PCDHA12: variants seen among roughly 807,000 people sequenced by gnomAD.
PCDHA12 encodes the protein protocadherin alpha-12.
A neutral mutation model predicts 60.0 loss-of-function variants in PCDHA12; 44 were observed. The observed-to-expected ratio is 0.73, with a 90% CI of 0.58 to 0.94. The LOEUF is 0.94. PCDHA12 is among the 40% of genes least tolerant of loss of function. The probability of loss-of-function intolerance (pLI) is 0.00; values close to 1 mark genes in which losing one functional copy is unlikely to be tolerated. For synonymous variants in PCDHA12, 569 were observed against 553.0 expected (o/e 1.03, Z -0.40); for missense variants, 1,276 against 1,239.7 (o/e 1.03, Z -0.44).
rs1310366696 is a variant in PCDHA12 at position 140,890,210 on chromosome 5, T to A, written c.2367+12371T>A. Among the ~76,000 whole-genome samples the A allele has an allele frequency of 5.3e-5, 8 of 152,148 alleles. 1 individual carries two copies. Among genetic ancestry groups the A allele is most frequent in the Admixed American group, 3.3e-4 (5 of 15,270 alleles). On this transcript the variant is annotated intron_variant, in intron 1 of 3. Coordinates refer to ENST00000398631, the MANE Select transcript of PCDHA12 (RefSeq NM_018903.4). ...AACAGAGTTTTTTGTTTTTCTTTTT[T>A]CCCAGAGACCTAGTTGTTAAGCATT... is the stretch of plus-strand genomic sequence containing the variant.
intron 3 of PCDHA12, among the ~76,000 whole-genome samples, chr5:140,988,678 T>G (rs190740461): frequency 6.6e-6 from 1 of 152,314 alleles, no homozygotes. Context: ...CTAAGATAAT[T>G]CTTTCCCTAG....
chr5:140,877,530 T>C lies in PCDHA12; in HGVS notation c.2058T>C (p.Ala686=). Residue 686 remains alanine, a synonymous_variant, in exon 1 of 4, where the codon GCT becomes GCC. Transcript: ENST00000398631. ...PKTSSRASVG[A]VDPEAALVDI... ...CGTCGTCGCGGGCCTCAGTGGGCGC[T>C]GTGGATCCCGAAGCGGCTCTGGTGG... is the stretch of plus-strand genomic sequence containing the variant. 2 of 1,613,780 alleles carry C rather than the reference T, an allele frequency of 1.2e-6. No homozygotes were observed. Among genetic ancestry groups the C allele is most frequent in the Non-Finnish European group, 1.7e-6 (2 of 1,179,892 alleles).
chr5:140,895,561 T>C (rs1011627715), intron 1 of PCDHA12, among the ~76,000 whole-genome samples: 2 of 152,240 alleles, frequency 1.3e-5, no homozygotes, highest in Non-Finnish European at 2.9e-5. Flanking sequence ...TCTTTATATA[T>C]TCTAGATGCA....
At chr5:140,909,043 C>T (rs2074280472) in intron 1 of PCDHA12, among the ~76,000 whole-genome samples, 1 of 152,188 alleles carries the variant, frequency 6.6e-6, no homozygotes, top group Non-Finnish European at 1.5e-5. Flanking sequence ...TTTCCATACT[C>T]TGGCATGCAA....
chr5:140,879,589 A>G (rs2058049274), intron 1 of PCDHA12, among the ~76,000 whole-genome samples: 1 of 152,214 alleles, frequency 6.6e-6, no homozygotes, highest in South Asian at 2.1e-4. Context: ...CAGACATTGA[A>G]AAGTGAAAAA....
chr5:141,003,252 TGGGCAGTGCCTAA>T (rs2098117217), intron 3 of PCDHA12, among the ~76,000 whole-genome samples: 1 of 152,236 alleles, frequency 6.6e-6, no homozygotes, highest in South Asian at 2.1e-4. Context: ...AAAAGATTCC[TGGGCAGTGCCTAA>T]GGGAAGTGCC....
At chr5:140,968,639 GC>G in intron 1 of PCDHA12, 1 of 1,614,150 alleles carries the variant, frequency 6.2e-7, no homozygotes, top group Non-Finnish European at 8.5e-7. Context: ...TTACCATCTA[GC>G]CCAGACTTCT....
chr5:140,912,359 G>A (rs1483575347), intron 1 of PCDHA12, among the ~76,000 whole-genome samples: 1 of 131,950 alleles, frequency 7.6e-6, no homozygotes, highest in Non-Finnish European at 1.6e-5. Context: ...TTTTTTTTTT[G>A]CAGCTGTTGT....
chr5:140,899,513 C>T (rs4552682), intron 1 of PCDHA12, among the ~76,000 whole-genome samples: 7,065 of 152,042 alleles, frequency 0.046, 286 homozygotes, highest in African/African-American at 0.11. Flanking sequence ...GCATATATTG[C>T]ATCCCAGGGA....
intron 1 of PCDHA12, chr5:140,927,277 G>A (rs1554204290): frequency 6.2e-7 from 1 of 1,614,016 alleles, no homozygotes; most frequent in Non-Finnish European, 8.5e-7. Context: ...TGCCGGCGAC[G>A]TGCAGCTGCA....
chr5:140,930,747 CAT>C (rs2087070106), intron 1 of PCDHA12, among the ~76,000 whole-genome samples: 1 of 152,116 alleles, frequency 6.6e-6, no homozygotes, highest in Non-Finnish European at 1.5e-5. Context: ...AATAAATTTA[CAT>C]ATGTTAAAAT....
At chr5:140,954,807 T>TGAAAATGCTTTAGGCACTTTTGTC (rs2095090008) in intron 1 of PCDHA12, among the ~76,000 whole-genome samples, 1 of 152,248 alleles carries the variant, frequency 6.6e-6, no homozygotes, top group Admixed American at 6.5e-5. Flanking sequence ...TTGCTTTTGT[T>TGAAAATGCTTTAGGCACTTTTGTC]GAAATTGCTT....
intron 1 of PCDHA12, chr5:140,884,016 G>C (rs143828814): frequency 1.2e-6 from 2 of 1,613,208 alleles, no homozygotes; most frequent in Non-Finnish European, 8.5e-7. Flanking sequence ...CTGATGCCGC[G>C]GTCGGTGGGT....
At chr5:140,913,160 G>A (rs1437493261) in intron 1 of PCDHA12, among the ~76,000 whole-genome samples, 2 of 152,274 alleles carry the variant, frequency 1.3e-5, no homozygotes, top group East Asian at 3.9e-4. Flanking sequence ...AGTAGGATTG[G>A]TATTAGTTCT....
At chr5:140,996,094 T>C (rs1428375932) in intron 3 of PCDHA12, among the ~76,000 whole-genome samples, 1 of 152,192 alleles carries the variant, frequency 6.6e-6, no homozygotes, top group Non-Finnish European at 1.5e-5. Flanking sequence ...CTAGATTACA[T>C]GGAATGGTAT....
chr5:140,889,103 T>C (rs1554183781), intron 1 of PCDHA12, among the ~76,000 whole-genome samples: 2 of 151,990 alleles, frequency 1.3e-5, no homozygotes. Flanking sequence ...TTTTTTCATC[T>C]TTATTCCAGG....
intron 1 of PCDHA12, among the ~76,000 whole-genome samples, chr5:140,902,684 A>G (rs1173996816): frequency 6.6e-6 from 1 of 152,100 alleles, no homozygotes; most frequent in Non-Finnish European, 1.5e-5. Flanking sequence ...ACCGTACCTA[A>G]TATGTGTAGT....
At chr5:140,954,498 G>T (rs2095045375) in intron 1 of PCDHA12, among the ~76,000 whole-genome samples, 1 of 152,156 alleles carries the variant, frequency 6.6e-6, no homozygotes, top group Non-Finnish European at 1.5e-5. Context: ...TTGTGGTTTT[G>T]ATTTGCATTT....
intron 1 of PCDHA12, among the ~76,000 whole-genome samples, chr5:140,958,652 G>C (rs991773774): frequency 6.6e-6 from 1 of 152,030 alleles, no homozygotes; most frequent in East Asian, 1.9e-4. Context: ...ATCACAGAAA[G>C]CTATGATGAA....
Sources: gnomAD v4.1 joint callset for allele counts (sites outside exome capture counted in the v4.1 genomes callset) on GRCh38, gnomAD v4.1.1 for gene constraint, MANE v1.5 for transcripts, NCBI Gene and HGNC (gene_info 2026-07-23, HGNC 2026-07-21) for gene names.